Variants in ARHGAP35 observed in about 807,000 individuals in gnomAD.
The protein encoded by ARHGAP35 is rho GTPase-activating protein 35.
ARHGAP35 carries 15 observed loss-of-function variants against 111.1 expected under a neutral mutation model. The ratio of observed to expected loss-of-function variants is 0.13; its 90% CI spans 0.09 to 0.21. ARHGAP35 has a LOEUF of 0.21. Among genes scored for constraint, ARHGAP35 ranks in the 10% least tolerant of loss-of-function variants. ARHGAP35 has a pLI of 1.00. For synonymous variants in ARHGAP35, 643 were observed against 710.3 expected (o/e 0.91, Z 1.51); for missense variants, 1,262 against 1,873.0 (o/e 0.67, Z 6.02).
intron 3 of ARHGAP35, among the ~76,000 whole-genome samples, chr19:46,951,724 T>G (rs529609012): frequency 3.9e-5 from 6 of 152,312 alleles, no homozygotes; most frequent in African/African-American, 1.2e-4. Flanking sequence ...TCTTCCACTC[T>G]AGGCAGGCCC....
intron 1 of ARHGAP35, among the ~76,000 whole-genome samples, chr19:46,868,629 C>T (rs569517889): frequency 6.6e-6 from 1 of 152,248 alleles, no homozygotes; most frequent in Admixed American, 6.5e-5. Context: ...TGTAACAAAA[C>T]TGTGTAAGTA....
chr19:46,895,031 G>C (rs938684695), intron 1 of ARHGAP35, among the ~76,000 whole-genome samples: 4 of 152,032 alleles, frequency 2.6e-5, no homozygotes, highest in African/African-American at 9.7e-5. Context: ...CTGAAGCCTT[G>C]AAAGAGTATT....
rs921216102 is a variant in ARHGAP35, at chr19:47,005,001, A to G, written c.*4313A>G. 4.6e-5 allele frequency: 7 copies of G among 152,194 alleles called. No homozygotes were observed. The highest frequency in any genetic ancestry group is 1.9e-4 in the East Asian group (1 of 5,202). 9.4% of individuals were successfully genotyped at this position (152,194 alleles called of 1,614,324 possible). On this transcript the variant is annotated 3_prime_UTR_variant, in exon 7 of 7. Coordinates refer to ENST00000672722, the MANE Select transcript of ARHGAP35 (RefSeq NM_004491.5). ...GCTACAAAGTATTGTACTTGTCTCAATGGGAATGGTGTAAAAAACAAAAGG... is the reference window on the plus strand; with the variant it reads ...GCTACAAAGTATTGTACTTGTCTCAGTGGGAATGGTGTAAAAAACAAAAGG...
In ARHGAP35 at chr19:46,999,516, C is replaced by A; in HGVS notation, c.4142+107C>A. On this transcript the variant is annotated intron_variant, in intron 6 of 6. Coordinates refer to ENST00000672722, the MANE Select transcript of ARHGAP35 (RefSeq NM_004491.5). This position sits in a 1 kb window ranked among gnomAD's most constrained non-coding sequence, Gnocchi z 5.4. ...CCACAAGCCAGTAGAAGCCTCAGGC[C>A]CTGGCCTGGAAGGGGTGCTGGCTGG... 1 of 783,050 alleles carries A rather than the reference C, an allele frequency of 1.3e-6. No individual in the cohort carries two copies. The allele number at this position is 783,050 out of a possible 1,614,324, so 48.5% of individuals were successfully genotyped here. A position where few individuals can be genotyped will look rare whatever the true frequency, so the allele number is the denominator to read the frequency against.
intron 1 of ARHGAP35, among the ~76,000 whole-genome samples, chr19:46,875,540 AT>A (rs1406102155): frequency 1.3e-5 from 2 of 152,082 alleles, no homozygotes; most frequent in African/African-American, 4.8e-5. Flanking sequence ...GTTAGTTTTC[AT>A]TTGCATCTTA....
In ARHGAP35 at chr19:46,988,349, C is replaced by T; in HGVS notation, c.3904+283C>T. ...TTCCAGGTTGCCCGGGCACATGCCT[C>T]CCTCACCACACTGAAGAGCTTTGCC... On this transcript the variant is annotated intron_variant, in intron 4 of 6. Transcript: ENST00000672722. The surrounding 1 kb of genome is among the most constrained non-coding windows in gnomAD (Gnocchi z 5.4). 2.4e-6 allele frequency: 1 copy of T among 418,970 alleles called. No individual in the cohort carries two copies. Among genetic ancestry groups the T allele is most frequent in the East Asian group, 4.9e-5 (1 of 20,260 alleles). 26.0% of individuals were successfully genotyped at this position (418,970 alleles called of 1,614,324 possible).
Position 46,945,474 on chromosome 19 carries a change from G to A in ARHGAP35, c.3826+8066G>A, listed in dbSNP as rs2056374105. On this transcript the variant is annotated intron_variant, in intron 3 of 6. Coordinates refer to ENST00000672722, the MANE Select transcript of ARHGAP35 (RefSeq NM_004491.5). This position sits in a 1 kb window ranked among gnomAD's most constrained non-coding sequence, Gnocchi z 4.1. ...CAATCCTCCTGAGAATAATTTCTCA[G>A]GGTAAAGTACACTCTTGATAGCTCA... Among the ~76,000 whole-genome samples the A allele has an allele frequency of 6.6e-6, 1 of 152,144 alleles. No individual in the cohort carries two copies. The highest frequency in any genetic ancestry group is 1.5e-5 in the Non-Finnish European group (1 of 68,022).
intron 3 of ARHGAP35, among the ~76,000 whole-genome samples, chr19:46,941,208 C>G (rs988624504): frequency 6.6e-6 from 1 of 152,092 alleles, no homozygotes; most frequent in Non-Finnish European, 1.5e-5. Flanking sequence ...AGGGCATTCC[C>G]CTTGTGTGGT....
At chr19:46,862,978 C>G (rs2055837039) in intron 1 of ARHGAP35, among the ~76,000 whole-genome samples, 1 of 151,998 alleles carries the variant, frequency 6.6e-6, no homozygotes, top group African/African-American at 2.4e-5. Context: ...TGCCTCAGTG[C>G]TGTGATAGAT....
chr19:47,000,206 A>G lies in ARHGAP35; in HGVS notation c.4143-125A>G, dbSNP rs569767775. 5.9e-6 allele frequency: 6 copies of G among 1,013,312 alleles called. No homozygotes were observed. The African/African-American group carries it at 6.4e-5, about 11-fold the overall frequency. The allele number at this position is 1,013,312 out of a possible 1,614,324, so 62.8% of individuals were successfully genotyped here. A position where few individuals can be genotyped will look rare whatever the true frequency, so the allele number is the denominator to read the frequency against. On this transcript the variant is annotated intron_variant, in intron 6 of 6. Transcript: ENST00000672722. The surrounding 1 kb of genome is among the most constrained non-coding windows in gnomAD (Gnocchi z 6.9). The stretch of plus-strand genomic sequence containing the variant: ...CAGGGCAGGGTACAGAGAGCTGCGC[A>G]TGGCCTTTTCTGCTCCACCTGAGGG...
At chr19:46,900,181 G>A (rs190874984) in intron 1 of ARHGAP35, among the ~76,000 whole-genome samples, 4 of 149,406 alleles carry the variant, frequency 2.7e-5, no homozygotes, top group African/African-American at 9.8e-5. Context: ...AATTCACTTT[G>A]ATCATAAACT....
chr19:46,920,171 A>G lies in ARHGAP35; in HGVS notation c.1496A>G (p.Tyr499Cys), dbSNP rs776129735. ...GAATTTCAGGAGTTGCTTTTGGAAT[A>G]TTCAGAATTGTTTTATGAACTGGAG... ...KEEFQELLLE[Y>C]SELFYELELD... Residue 499 changes from tyrosine to cysteine, a missense_variant, in exon 2 of 7, where the codon TAT (tyrosine) becomes TGT (cysteine). Physicochemically the swap from Tyr to Cys is radical, Grantham distance 194. Around this residue, in one of 8 missense-constraint regions of ARHGAP35, gnomAD observed 328 missense variants for 440.8 expected, o/e 0.74. Coordinates refer to ENST00000672722, the MANE Select transcript of ARHGAP35 (RefSeq NM_004491.5). The surrounding 1 kb of genome is among the most constrained non-coding windows in gnomAD (Gnocchi z 7.0). 1 of 1,613,972 alleles carries G rather than the reference A, an allele frequency of 6.2e-7. No individual in the cohort carries two copies. The highest frequency in any genetic ancestry group is 1.1e-5 in the South Asian group (1 of 91,068).
intron 3 of ARHGAP35, among the ~76,000 whole-genome samples, chr19:46,963,337 C>T (rs1301194713): frequency 1.3e-5 from 2 of 152,232 alleles, no homozygotes; most frequent in Non-Finnish European, 2.9e-5. Flanking sequence ...TCTGGTAGCA[C>T]ATCTGCGTGG....
chr19:46,872,647 G>A (rs1036512130), intron 1 of ARHGAP35, among the ~76,000 whole-genome samples: 7 of 152,186 alleles, frequency 4.6e-5, no homozygotes, highest in African/African-American at 1.7e-4. Flanking sequence ...TTGGGAGGCC[G>A]AGGCGGGCGG....
At chr19:46,894,346 A>C (rs1224374440) in intron 1 of ARHGAP35, among the ~76,000 whole-genome samples, 1 of 152,026 alleles carries the variant, frequency 6.6e-6, no homozygotes, top group East Asian at 1.9e-4. Flanking sequence ...TGATTTATAA[A>C]TATCACTTTA....
chr19:46,952,736 C>T (rs868127350), intron 3 of ARHGAP35, among the ~76,000 whole-genome samples: 6 of 152,266 alleles, frequency 3.9e-5, no homozygotes, highest in Middle Eastern at 3.4e-3. Flanking sequence ...TGCAGTGGTG[C>T]GATCTCAGCT....
At chr19:46,892,395 A>C (rs113649315) in intron 1 of ARHGAP35, among the ~76,000 whole-genome samples, 7 of 143,434 alleles carry the variant, frequency 4.9e-5, no homozygotes, top group African/African-American at 1.8e-4. Flanking sequence ...GGATCACTGG[A>C]GGGAAGTCTA....
chr19:46,881,414 C>T (rs1480675454), intron 1 of ARHGAP35, among the ~76,000 whole-genome samples: 1 of 152,182 alleles, frequency 6.6e-6, no homozygotes. Flanking sequence ...ACATGGACTG[C>T]AGAATGGATG....
chr19:46,876,419 G>T (rs1414995079), intron 1 of ARHGAP35, among the ~76,000 whole-genome samples: 4 of 151,500 alleles, frequency 2.6e-5, no homozygotes, highest in Admixed American at 1.3e-4. Flanking sequence ...TGTTGCCCAG[G>T]CTGGAGTATA....
Sources: allele counts gnomAD v4.1 joint callset (sites outside exome capture counted in the v4.1 genomes callset), GRCh38; gene constraint gnomAD v4.1.1; regional missense constraint gnomAD v4.1.1; non-coding constraint Gnocchi (gnomAD v3.1); transcripts MANE v1.5; gene names NCBI Gene and HGNC (gene_info 2026-07-23, HGNC 2026-07-21).